Variants in SERBP1 observed in about 807,000 individuals in gnomAD.
SERBP1 encodes the protein SERPINE1 mRNA-binding protein 1.
A neutral mutation model predicts 50.2 loss-of-function variants in SERBP1; 6 were observed. That is an observed-to-expected ratio of 0.12 (90% CI 0.07 to 0.24). The LOEUF (loss-of-function observed/expected upper bound fraction) is 0.24. SERBP1 is among the 10% of genes least tolerant of loss of function. The pLI, the probability that SERBP1 is intolerant of heterozygous loss-of-function variation, is 1.00. For synonymous variants in SERBP1, 168 were observed against 182.8 expected (o/e 0.92, Z 0.65); for missense variants, 346 against 524.9 (o/e 0.66, Z 3.33).
rs763809911 is a variant in SERBP1 at position 67,422,127 on chromosome 1, A to G, written c.774-1941T>C. Among the ~76,000 whole-genome samples, 7 of 152,312 alleles carry G rather than the reference A, an allele frequency of 4.6e-5. No individual in the cohort carries two copies. The East Asian group carries it at 5.8e-4, about 13-fold the overall frequency. On this transcript the variant is annotated intron_variant, in intron 5 of 7. Transcript: ENST00000361219. ...CATGTATTTTTATCTACTCCCTCCA[A>G]TAGTATATCATTTTTCCTTATCCCA...
At position 67,413,102 on chromosome 1, in the gene SERBP1, C is replaced by CA; in HGVS notation, c.*104dup. Reference sequence around the variant, plus strand: ...CTTTAGGTGTGAATGGTATGAATGACAGTCTTTTTTTTTTTAATTTCTTAG... The same window carrying CA: ...CTTTAGGTGTGAATGGTATGAATGACAAGTCTTTTTTTTTTTAATTTCTTAG... On this transcript the variant is annotated 3_prime_UTR_variant, in exon 8 of 8. Coordinates refer to ENST00000361219, the MANE Select transcript of SERBP1 (RefSeq NM_001018069.2). The CA allele has an allele frequency of 1.5e-6, 2 of 1,336,440 alleles. No homozygotes were observed. The highest frequency in any genetic ancestry group is 1.5e-5 in the South Asian group (1 of 65,580). 82.8% of individuals were successfully genotyped at this position (1,336,440 alleles called of 1,614,324 possible).
At chr1:67,419,693 CAAA>C (rs1350621487) in intron 6 of SERBP1, 1 of 273,940 alleles carries the variant, frequency 3.7e-6, no homozygotes, top group Non-Finnish European at 6.9e-6. Context: ...GGCAAGATTT[CAAA>C]AATACAACCA....
In SERBP1 at chr1:67,409,031, C is replaced by G. The variant is rs1205791313; in HGVS notation, c.*4176G>C. On this transcript the variant is annotated 3_prime_UTR_variant, in exon 8 of 8. Transcript: ENST00000361219. ...TATGATCTTGGCTCACTGCAACCCC[C>G]ACCTCCCGGGTTCAAGTGATTCTTG... is the stretch of plus-strand genomic sequence containing the variant. 6.6e-6 allele frequency: 1 copy of G among 152,116 alleles called. No homozygotes were observed. The highest frequency in any genetic ancestry group is 1.5e-5 in the Non-Finnish European group (1 of 68,126). 9.4% of individuals were successfully genotyped at this position (152,116 alleles called of 1,614,324 possible).
At chr1:67,424,385 A>G in intron 4 of SERBP1, 108 bp from the exon 5 acceptor site, 1 of 1,398,398 alleles carries the variant, frequency 7.2e-7, no homozygotes, top group Non-Finnish European at 9.7e-7. Context: ...AAAGTTCTTC[A>G]TACAAAAATA....
rs1276363050 is a variant in SERBP1, at chr1:67,410,464, T to TA, written c.*2742dup. The TA allele has an allele frequency of 6.6e-6, 1 of 152,132 alleles. No individual in the cohort carries two copies. The highest frequency in any genetic ancestry group is 2.4e-5 in the African/African-American group (1 of 41,438). The allele number at this position is 152,132 out of a possible 1,614,324, so 9.4% of individuals were successfully genotyped here. ...TGTGTACTACTTTTATTTAAAAAAA[T>TA]AAGAGTAAAGGAACTAACTAGATGT... On this transcript the variant is annotated 3_prime_UTR_variant, in exon 8 of 8. Coordinates refer to ENST00000361219, the MANE Select transcript of SERBP1 (RefSeq NM_001018069.2).
At chr1:67,427,416 G>C (rs1240221608) in intron 1 of SERBP1, among the ~76,000 whole-genome samples, 1 of 152,090 alleles carries the variant, frequency 6.6e-6, no homozygotes, top group East Asian at 1.9e-4. Context: ...CTGAGGAATT[G>C]GTTTTACAAG....
chr1:67,423,701 A>G (rs1557505789), intron 5 of SERBP1, among the ~76,000 whole-genome samples: 1 of 152,220 alleles, frequency 6.6e-6, no homozygotes, highest in African/African-American at 2.4e-5. Flanking sequence ...GCTATGTTCC[A>G]AATTCTACAT....
intron 7 of SERBP1, 87 bp downstream of exon 7, chr1:67,415,078 GT>G (rs1666958519): frequency 1.4e-6 from 2 of 1,386,686 alleles, no homozygotes; most frequent in Non-Finnish European, 1.9e-6. Context: ...TTCTACTTAT[GT>G]TCCCAAAAGT....
chr1:67,417,971 G>GTTTTTTTTTTTT (rs397861816), intron 6 of SERBP1, among the ~76,000 whole-genome samples: 2 of 76,800 alleles, frequency 2.6e-5, no homozygotes, highest in Non-Finnish European at 4.4e-5. Context: ...TTAAAGTGTT[G>GTTTTTTTTTTTT]TTTTTTTTTT....
chr1:67,422,458 C>T (rs1169383679), intron 5 of SERBP1, among the ~76,000 whole-genome samples: 3 of 150,590 alleles, frequency 2.0e-5, no homozygotes, highest in Non-Finnish European at 4.4e-5. Flanking sequence ...TGCAGTGAGC[C>T]GAGATCACGC....
chr1:67,425,631 GAGAA>G (rs1667344741), intron 2 of SERBP1, among the ~76,000 whole-genome samples: 2 of 152,168 alleles, frequency 1.3e-5, no homozygotes, highest in African/African-American at 4.8e-5. Context: ...TATCTGGAGA[GAGAA>G]AGAAAAAGAA....
chr1:67,413,466 T>C (rs1373376661), intron 7 of SERBP1, among the ~76,000 whole-genome samples: 2 of 151,964 alleles, frequency 1.3e-5, no homozygotes, highest in Non-Finnish European at 2.9e-5. Context: ...CTGGCCAACA[T>C]GGTGAAATCC....
At position 67,412,657 on chromosome 1, in the gene SERBP1, T is replaced by C. The variant is rs2100407340; in HGVS notation, c.*550A>G. The C allele has an allele frequency of 6.5e-6, 1 of 152,778 alleles. No individual in the cohort carries two copies. The highest frequency in any genetic ancestry group is 2.1e-4 in the South Asian group (1 of 4,830). The allele number at this position is 152,778 out of a possible 1,614,324, so 9.5% of individuals were successfully genotyped here. ...GTGAAAAAAGATTTTTCCCCAAAAATGAAAATATTAAAACTAAGTTAAAAT... is the reference window on the plus strand; with the variant it reads ...GTGAAAAAAGATTTTTCCCCAAAAACGAAAATATTAAAACTAAGTTAAAAT... On this transcript the variant is annotated 3_prime_UTR_variant, in exon 8 of 8. Coordinates refer to ENST00000361219, the MANE Select transcript of SERBP1 (RefSeq NM_001018069.2).
chr1:67,423,861 C>G (rs779206674), intron 5 of SERBP1, among the ~76,000 whole-genome samples: 2 of 151,886 alleles, frequency 1.3e-5, no homozygotes, highest in African/African-American at 4.8e-5. Flanking sequence ...TTTTTCAAAG[C>G]GTTAGAGTCA....
chr1:67,414,146 T>C (rs971583056), intron 7 of SERBP1, among the ~76,000 whole-genome samples: 12 of 152,362 alleles, frequency 7.9e-5, no homozygotes, highest in Non-Finnish European at 1.3e-4. Flanking sequence ...CAATTATGTA[T>C]GTGAATTCGC....
At chr1:67,425,886 CAGG>C (rs1407404647) in intron 2 of SERBP1, among the ~76,000 whole-genome samples, 9 of 152,230 alleles carry the variant, frequency 5.9e-5, no homozygotes, top group Non-Finnish European at 1.0e-4. Context: ...CCCAATATTG[CAGG>C]AGGACAGCTT....
Position 67,430,106 on chromosome 1 carries a change from C to T in SERBP1, c.195G>A (p.Ala65=), listed in dbSNP as rs775477313. The T allele has an allele frequency of 2.5e-6, 4 of 1,612,660 alleles. 1 individual carries two copies. The South Asian group carries it at 4.4e-5, about 18-fold the overall frequency. ...ACTCCTTGCGCAGCTGTTTGCCTGC[C>T]GCGTTGGAGTTGGTCTGGGCCGCGG... ...AQAAAQTNSN[A]AGKQLRKESQ... is the part of the protein sequence containing the mutation. Residue 65 remains alanine, a synonymous_variant, in exon 1 of 8, where the codon GCG becomes GCA. Coordinates refer to ENST00000361219, the MANE Select transcript of SERBP1 (RefSeq NM_001018069.2).
intron 5 of SERBP1, among the ~76,000 whole-genome samples, chr1:67,422,006 C>T (rs775237300): frequency 1.3e-5 from 2 of 152,154 alleles, no homozygotes; most frequent in African/African-American, 4.8e-5. Flanking sequence ...TTTGTTAAGG[C>T]ACCAATCACA....
At chr1:67,419,943 C>CA in intron 6 of SERBP1, 66 bp downstream of exon 6, 1 of 1,450,108 alleles carries the variant, frequency 6.9e-7, no homozygotes, top group Non-Finnish European at 9.6e-7. Context: ...AATTTTAAAA[C>CA]AAAAATTATA....
Sources: gnomAD v4.1 joint callset for allele counts (sites outside exome capture counted in the v4.1 genomes callset) on GRCh38, gnomAD v4.1.1 for gene constraint, MANE v1.5 for transcripts, NCBI Gene and HGNC (gene_info 2026-07-23, HGNC 2026-07-21) for gene names.